The following PTPRA variants were observed in gnomAD, a reference collection of about 807,000 sequenced individuals.
The protein encoded by PTPRA is receptor-type tyrosine-protein phosphatase alpha.
In PTPRA, 25 loss-of-function variants were observed where a neutral mutation model predicts 104.8. The ratio of observed to expected loss-of-function variants is 0.24; its 90% CI spans 0.17 to 0.33. The LOEUF is 0.33. PTPRA is among the 10% of genes least tolerant of loss of function. PTPRA has a pLI of 1.00. For missense variants in PTPRA, 765 were observed against 1,015.3 expected, an observed-to-expected ratio of 0.75 and a Z score of 3.35; for synonymous variants, 323 against 368.9, an observed-to-expected ratio of 0.88 and a Z score of 1.43.
At chr20:2,879,256 G>A (rs915516689) in intron 1 of PTPRA, among the ~76,000 whole-genome samples, 3 of 152,198 alleles carry the variant, frequency 2.0e-5, no homozygotes, top group East Asian at 1.9e-4. Flanking sequence ...TCAGGGCAGC[G>A]CTTCGCTAAC....
At chr20:2,960,700 C>G (rs1008956472) in intron 3 of PTPRA, among the ~76,000 whole-genome samples, 2 of 151,986 alleles carry the variant, frequency 1.3e-5, no homozygotes, top group African/African-American at 4.8e-5. Flanking sequence ...CCATGCCCAG[C>G]TAAGTTTTGT....
intron 1 of PTPRA, among the ~76,000 whole-genome samples, chr20:2,905,049 C>G (rs2059374242): frequency 6.6e-6 from 1 of 152,146 alleles, no homozygotes; most frequent in South Asian, 2.1e-4. Context: ...TGAGCTCTGC[C>G]TCCTGTCAGA....
chr20:2,888,114 G>A (rs984545644), intron 1 of PTPRA, among the ~76,000 whole-genome samples: 1 of 152,182 alleles, frequency 6.6e-6, no homozygotes. Flanking sequence ...CCTGGGCTAG[G>A]TTCTTGCTAC....
intron 9 of PTPRA, among the ~76,000 whole-genome samples, chr20:2,994,833 AT>A (rs1445014177): frequency 1.3e-5 from 2 of 152,176 alleles, no homozygotes; most frequent in Non-Finnish European, 2.9e-5. Context: ...ATAATTAGAA[AT>A]TTGGCTTTAT....
At chr20:2,941,663 C>T (rs1434004626) in intron 2 of PTPRA, among the ~76,000 whole-genome samples, 1 of 152,172 alleles carries the variant, frequency 6.6e-6, no homozygotes, top group Non-Finnish European at 1.5e-5. Flanking sequence ...CCTTGTGTGG[C>T]CCTACCCTGT....
chr20:2,868,542 C>T (rs890767304), upstream of PTPRA, among the ~76,000 whole-genome samples: 2 of 150,344 alleles, frequency 1.3e-5, no homozygotes, highest in Admixed American at 6.6e-5. Flanking sequence ...CTGGCACAGC[C>T]CATCAGCTTT....
At chr20:2,945,504 A>G (rs1469203367) in intron 2 of PTPRA, among the ~76,000 whole-genome samples, 1 of 151,966 alleles carries the variant, frequency 6.6e-6, no homozygotes, top group Non-Finnish European at 1.5e-5. Context: ...GTACTTTGCT[A>G]GATGTTGGGT....
chr20:2,892,521 T>G (rs2058839536), intron 1 of PTPRA, among the ~76,000 whole-genome samples: 1 of 152,148 alleles, frequency 6.6e-6, no homozygotes, highest in Admixed American at 6.6e-5. Flanking sequence ...CTCATGGTGC[T>G]GGGCAGAAGC....
chr20:3,019,575 T>C (rs1366194179), intron 13 of PTPRA, among the ~76,000 whole-genome samples: 1 of 145,096 alleles, frequency 6.9e-6, no homozygotes, highest in Non-Finnish European at 1.5e-5. Context: ...GCAGAGACTC[T>C]CCTCACTTTC....
intron 9 of PTPRA, among the ~76,000 whole-genome samples, chr20:2,997,487 A>G (rs1259945889): frequency 1.3e-5 from 2 of 152,194 alleles, no homozygotes; most frequent in Non-Finnish European, 2.9e-5. Context: ...TCTCTATAAA[A>G]AGGGATATCA....
At chr20:2,933,605 C>G (rs570676308) in intron 2 of PTPRA, among the ~76,000 whole-genome samples, 1 of 151,716 alleles carries the variant, frequency 6.6e-6, no homozygotes, top group Non-Finnish European at 1.5e-5. Flanking sequence ...GGATTACAGG[C>G]GCACGCCACC....
intron 12 of PTPRA, among the ~76,000 whole-genome samples, chr20:3,016,484 A>G (rs940093913): frequency 6.6e-6 from 1 of 152,264 alleles, no homozygotes; most frequent in African/African-American, 2.4e-5. Flanking sequence ...AGGGTGGCTC[A>G]TGCCTGTAAT....
intron 1 of PTPRA, among the ~76,000 whole-genome samples, chr20:2,889,334 T>G (rs1310044449): frequency 6.6e-6 from 1 of 152,226 alleles, no homozygotes; most frequent in Non-Finnish European, 1.5e-5. Flanking sequence ...GAATTAAATT[T>G]CCTTAGATGT....
chr20:3,016,455 AAAGT>A (rs760957976), intron 12 of PTPRA, among the ~76,000 whole-genome samples: 34 of 152,350 alleles, frequency 2.2e-4, no homozygotes, highest in Non-Finnish European at 3.1e-4. Flanking sequence ...GCAGCATTAA[AAAGT>A]AATTGAGGCC....
Position 2,963,549 on chromosome 20 carries a change from A to G in PTPRA, c.-6-723A>G, listed in dbSNP as rs546676925. On this transcript the variant is annotated intron_variant, in intron 3 of 23. Coordinates refer to ENST00000399903, the MANE Select transcript of PTPRA (RefSeq NM_001385305.1). Reference sequence around the variant, plus strand: ...GCGGAGGTTGCCGTGAGCCAAGATCACACCATTGCACTCCAGCCCGGGCGA... The same window carrying G: ...GCGGAGGTTGCCGTGAGCCAAGATCGCACCATTGCACTCCAGCCCGGGCGA... Among the ~76,000 whole-genome samples, 4 of 152,082 alleles carry G rather than the reference A, an allele frequency of 2.6e-5. No individual in the cohort carries two copies. In the South Asian group the frequency reaches 8.3e-4, roughly 32 times the overall value.
chr20:2,952,328 A>G (rs1032180533), intron 3 of PTPRA, among the ~76,000 whole-genome samples: 3 of 152,158 alleles, frequency 2.0e-5, no homozygotes, highest in African/African-American at 7.2e-5. Context: ...AGTTTGCAGC[A>G]TCTTTCATGT....
At chr20:2,970,663 G>A (rs2062148653) in intron 5 of PTPRA, among the ~76,000 whole-genome samples, 2 of 152,148 alleles carry the variant, frequency 1.3e-5, no homozygotes, top group Non-Finnish European at 2.9e-5. Context: ...TTTCTGCATT[G>A]CAGAAGATAT....
intron 1 of PTPRA, among the ~76,000 whole-genome samples, chr20:2,917,832 T>C (rs1449865649): frequency 2.0e-5 from 3 of 151,530 alleles, no homozygotes; most frequent in Non-Finnish European, 4.4e-5. Context: ...TAGGGCGCAG[T>C]GTAATCCCAG....
At chr20:2,871,869 G>A (rs2089437805), upstream of PTPRA, among the ~76,000 whole-genome samples, 1 of 152,182 alleles carries the variant, frequency 6.6e-6, no homozygotes, top group South Asian at 2.1e-4. Context: ...GTCGGGTTCG[G>A]CCATTTCACC....
Sources: gnomAD v4.1 joint callset for allele counts (sites outside exome capture counted in the v4.1 genomes callset) on GRCh38, gnomAD v4.1.1 for gene constraint, MANE v1.5 for transcripts, NCBI Gene and HGNC (gene_info 2026-07-23, HGNC 2026-07-21) for gene names.